The following ZMIZ1 variants were observed in gnomAD, a reference collection of about 807,000 sequenced individuals.
The protein encoded by ZMIZ1 is zinc finger MIZ-type containing 1, also known as zinc finger MIZ domain-containing protein 1.
A neutral mutation model predicts 113.9 loss-of-function variants in ZMIZ1; 17 were observed. That is an observed-to-expected ratio of 0.15 (90% confidence interval 0.10 to 0.22). The LOEUF is 0.22. ZMIZ1 is among the 10% of genes least tolerant of loss of function. The pLI is 1.00. For synonymous variants in ZMIZ1, 607 were observed against 603.1 expected, an observed-to-expected ratio of 1.01 and a Z score of -0.09; for missense variants, 1,059 against 1,477.8, an observed-to-expected ratio of 0.72 and a Z score of 4.65.
chr10:79,276,776 G>A (rs548599933), intron 7 of ZMIZ1, among the ~76,000 whole-genome samples: 2 of 152,260 alleles, frequency 1.3e-5, no homozygotes, highest in African/African-American at 4.8e-5. Flanking sequence ...GCTTCCCTGA[G>A]GGGGATCTGG....
intron 7 of ZMIZ1, among the ~76,000 whole-genome samples, chr10:79,266,408 T>C (rs1851605890): frequency 6.6e-6 from 1 of 152,212 alleles, no homozygotes; most frequent in African/African-American, 2.4e-5. Context: ...TTTTGTAAAA[T>C]ACAGGTAGTG....
intron 7 of ZMIZ1, among the ~76,000 whole-genome samples, chr10:79,240,301 C>T (rs1424281457): frequency 2.6e-5 from 4 of 152,242 alleles, no homozygotes; most frequent in Non-Finnish European, 2.9e-5. Context: ...CCTTTGTCTG[C>T]GGCCTCTTTG....
intron 3 of ZMIZ1, among the ~76,000 whole-genome samples, chr10:79,161,348 C>T (rs959927941): frequency 5.9e-5 from 9 of 152,334 alleles, no homozygotes; most frequent in Non-Finnish European, 1.2e-4. Flanking sequence ...GGCTCCTGCC[C>T]ACCCTCTTTC....
At chr10:79,110,984 G>A (rs2132293630) in intron 1 of ZMIZ1, among the ~76,000 whole-genome samples, 1 of 152,338 alleles carries the variant, frequency 6.6e-6, no homozygotes, top group Non-Finnish European at 1.5e-5. Flanking sequence ...GGTGGCCACT[G>A]GCACCGAGGG....
At chr10:79,094,048 C>T (rs894966607) in intron 1 of ZMIZ1, among the ~76,000 whole-genome samples, 1 of 152,206 alleles carries the variant, frequency 6.6e-6, no homozygotes, top group African/African-American at 2.4e-5. Flanking sequence ...CATTGTATGT[C>T]CCCAGCTGTA....
At chr10:79,154,000 G>T (rs1167746971) in intron 3 of ZMIZ1, among the ~76,000 whole-genome samples, 1 of 152,210 alleles carries the variant, frequency 6.6e-6, no homozygotes, top group Non-Finnish European at 1.5e-5. Flanking sequence ...GTGCTCAGTG[G>T]TTTGTGTGTG....
chr10:79,175,666 C>T (rs906802735), intron 4 of ZMIZ1, among the ~76,000 whole-genome samples: 5 of 150,884 alleles, frequency 3.3e-5, no homozygotes, highest in African/African-American at 1.2e-4. Context: ...GTGTCCCTCC[C>T]CCTGGCCACC....
intron 4 of ZMIZ1, among the ~76,000 whole-genome samples, chr10:79,197,381 C>T (rs1847872991): frequency 6.6e-6 from 1 of 152,168 alleles, no homozygotes; most frequent in African/African-American, 2.4e-5. Context: ...GATGGCCTTG[C>T]TGAAGGTGGC....
intron 2 of ZMIZ1, among the ~76,000 whole-genome samples, chr10:79,120,747 G>T (rs1844256100): frequency 2.0e-5 from 3 of 152,182 alleles, no homozygotes; most frequent in Non-Finnish European, 4.4e-5. Context: ...GAATAAAACA[G>T]GTTACAGGTA....
chr10:79,138,361 AAGG>A (rs1391965853), intron 2 of ZMIZ1, among the ~76,000 whole-genome samples: 1 of 152,152 alleles, frequency 6.6e-6, no homozygotes, highest in East Asian at 1.9e-4. Flanking sequence ...CTCCAGCCAA[AAGG>A]AGCCTGACCG....
chr10:79,165,998 GT>G (rs1171490316), intron 4 of ZMIZ1, among the ~76,000 whole-genome samples: 596 of 31,520 alleles, frequency 0.019, 1 homozygote, highest in Non-Finnish European at 0.034. Context: ...GTGTGTGTGT[GT>G]GTGGGCTCTC....
rs1051165352 is a variant in ZMIZ1 at position 79,092,446 on chromosome 10, G to A, written c.-337+23176G>A. Among the ~76,000 whole-genome samples, 5 of 152,354 alleles carry A rather than the reference G, an allele frequency of 3.3e-5. No individual in the cohort carries two copies. In the East Asian group the frequency reaches 5.8e-4, roughly 18 times the overall value. On this transcript the variant is annotated intron_variant, in intron 1 of 24. Coordinates refer to ENST00000334512, the MANE Select transcript of ZMIZ1 (RefSeq NM_020338.4). ...GGCGTTCTCCTCCATAAATGGATCCGTGCTGATAACCTAAGCCTCGCTGCA... is the reference window on the plus strand; with the variant it reads ...GGCGTTCTCCTCCATAAATGGATCCATGCTGATAACCTAAGCCTCGCTGCA...
intron 1 of ZMIZ1, among the ~76,000 whole-genome samples, chr10:79,075,450 T>G (rs1842434751): frequency 6.6e-6 from 1 of 152,166 alleles, no homozygotes; most frequent in Non-Finnish European, 1.5e-5. Context: ...CTTCTGCCCC[T>G]AGAGATAGGG....
At chr10:79,211,817 G>A (rs1341751409) in intron 6 of ZMIZ1, among the ~76,000 whole-genome samples, 1 of 152,206 alleles carries the variant, frequency 6.6e-6, no homozygotes, top group African/African-American at 2.4e-5. Context: ...CCCTCTGGGC[G>A]CCCTCTCCCT....
chr10:79,185,611 T>G (rs897134907), intron 4 of ZMIZ1, among the ~76,000 whole-genome samples: 1 of 152,044 alleles, frequency 6.6e-6, no homozygotes, highest in Non-Finnish European at 1.5e-5. Context: ...CCGGGGTAGG[T>G]CACAGCCTTT....
At chr10:79,151,633 G>A (rs538679034) in intron 3 of ZMIZ1, among the ~76,000 whole-genome samples, 3 of 152,184 alleles carry the variant, frequency 2.0e-5, no homozygotes, top group Admixed American at 2.0e-4. Context: ...CTGGAGAGGC[G>A]CTGCTCAGAG....
intron 7 of ZMIZ1, among the ~76,000 whole-genome samples, chr10:79,225,602 G>A (rs1201323151): frequency 2.0e-5 from 3 of 152,096 alleles, no homozygotes; most frequent in Non-Finnish European, 4.4e-5. Flanking sequence ...GGAGGTAAAG[G>A]GTGAAGGGGT....
At chr10:79,251,418 T>C (rs960416239) in intron 7 of ZMIZ1, among the ~76,000 whole-genome samples, 9 of 152,122 alleles carry the variant, frequency 5.9e-5, no homozygotes, top group African/African-American at 2.2e-4. Context: ...GTTCTCCTCA[T>C]GTTTGTGGGA....
intron 7 of ZMIZ1, among the ~76,000 whole-genome samples, chr10:79,227,538 A>G (rs1001492601): frequency 9.9e-5 from 15 of 152,202 alleles, no homozygotes; most frequent in Non-Finnish European, 1.6e-4. Context: ...CGTTTGACAA[A>G]AGGGGATTAT....
Sources: allele counts gnomAD v4.1 joint callset (sites outside exome capture counted in the v4.1 genomes callset), GRCh38; gene constraint gnomAD v4.1.1; transcripts MANE v1.5; gene names NCBI Gene and HGNC (gene_info 2026-07-23, HGNC 2026-07-21).